DAAM1: variants seen among roughly 807,000 people sequenced by gnomAD.
DAAM1 encodes the protein disheveled-associated activator of morphogenesis 1.
DAAM1 carries 52 observed loss-of-function variants against 130.0 expected under a neutral mutation model. That is an observed-to-expected ratio of 0.40 (90% CI 0.32 to 0.50). The LOEUF (loss-of-function observed/expected upper bound fraction) is 0.50. DAAM1 is among the 20% of genes least tolerant of loss of function. The probability of loss-of-function intolerance (pLI) is 0.61; values close to 1 mark genes in which losing one functional copy is unlikely to be tolerated. For missense variants in DAAM1, 1,134 were observed against 1,303.8 expected, an observed-to-expected ratio of 0.87 and a Z score of 2.01; for synonymous variants, 452 against 444.5, an observed-to-expected ratio of 1.02 and a Z score of -0.21.
intron 4 of DAAM1, among the ~76,000 whole-genome samples, chr14:59,319,062 C>T (rs1884902404): frequency 6.6e-6 from 1 of 152,160 alleles, no homozygotes; most frequent in Admixed American, 6.6e-5. Flanking sequence ...ACGAGTTCAG[C>T]TATGTCATTG....
rs765736106 is a variant in DAAM1 at position 59,331,214 on chromosome 14, C to T, written c.1566C>T (p.Ala522=). 8.7e-6 allele frequency: 14 copies of T among 1,612,526 alleles called. No individual in the cohort carries two copies. The highest frequency in any genetic ancestry group is 8.3e-5 in the Admixed American group (5 of 59,980). ...TCCTATTTTTATCTTTTCAGAGGGC[C>T]GTCTGTGCTTCAATCCCAGGTGGAC... ...TAQLHELSRR[A]VCASIPGGPS... is the part of the protein sequence containing the mutation. The change falls in exon 14 of 25, where the codon GCC becomes GCT. Residue 522 remains alanine, a synonymous_variant. Transcript: ENST00000360909.
intron 6 of DAAM1, 95 bp from the exon 7 acceptor site, chr14:59,324,031 GAA>G (rs780472385): frequency 5.7e-4 from 371 of 646,368 alleles, no homozygotes; most frequent in South Asian, 1.0e-3. Context: ...GACTCCGTCT[GAA>G]AAAAAAAAAA....
Position 59,263,639 on chromosome 14 carries a change from T to A in DAAM1, c.162T>A (p.Asp54Glu), listed in dbSNP as rs1882288025. The change falls in exon 2 of 25, where the codon GAT becomes GAA. Residue 54 changes from aspartate to glutamate, a missense_variant. Asp to Glu is a conservative substitution (Grantham distance 45, BLOSUM62 2). Around this residue, in one of 3 missense-constraint regions of DAAM1, gnomAD observed 99 missense variants for 86.4 expected, o/e 1.15. Coordinates refer to ENST00000360909, the MANE Select transcript of DAAM1 (RefSeq NM_001270520.2). Reference protein sequence around the residue: ...ALPMPPVEELDVMFSELVDEL... With the variant: ...ALPMPPVEELEVMFSELVDEL... Reference sequence around the variant, plus strand: ...CCATGCCCCCTGTGGAGGAGCTGGATGTCATGTTCAGTGAACTGGTGGTGA... The same window carrying A: ...CCATGCCCCCTGTGGAGGAGCTGGAAGTCATGTTCAGTGAACTGGTGGTGA... 5 of 1,614,192 alleles carry A rather than the reference T, an allele frequency of 3.1e-6. No homozygotes were observed. The highest frequency in any genetic ancestry group is 4.2e-6 in the Non-Finnish European group (5 of 1,180,020).
chr14:59,231,614 C>T (rs1215644522), intron 1 of DAAM1, among the ~76,000 whole-genome samples: 6 of 152,188 alleles, frequency 3.9e-5, no homozygotes, highest in East Asian at 1.9e-4. Context: ...CATTCATTAT[C>T]TGTGCAACCT....
At chr14:59,203,831 C>T (rs1303295777) in intron 1 of DAAM1, among the ~76,000 whole-genome samples, 1 of 152,196 alleles carries the variant, frequency 6.6e-6, no homozygotes, top group African/African-American at 2.4e-5. Flanking sequence ...CAGCATGTTT[C>T]TGCTGTAGAA....
intron 5 of DAAM1, among the ~76,000 whole-genome samples, chr14:59,321,566 C>G (rs1169317907): frequency 6.6e-6 from 1 of 152,188 alleles, no homozygotes. Flanking sequence ...TCCTTTAATG[C>G]CTCTAGGATT....
chr14:59,247,429 G>T (rs1046119700), intron 1 of DAAM1, among the ~76,000 whole-genome samples: 1 of 152,112 alleles, frequency 6.6e-6, no homozygotes, highest in African/African-American at 2.4e-5. Context: ...CAAAGATGCC[G>T]TTGGGATTTT....
intron 15 of DAAM1, among the ~76,000 whole-genome samples, chr14:59,337,597 C>T (rs1476354618): frequency 1.3e-5 from 2 of 152,222 alleles, no homozygotes; most frequent in Non-Finnish European, 2.9e-5. Flanking sequence ...GTAACTTTCT[C>T]ACAGCATGTC....
Position 59,352,538 on chromosome 14 carries a change from G to A in DAAM1, c.2173G>A (p.Val725Ile), listed in dbSNP as rs1886327553. 4 of 1,612,832 alleles carry A rather than the reference G, an allele frequency of 2.5e-6. No homozygotes were observed. The highest frequency in any genetic ancestry group is 2.2e-5 in the East Asian group (1 of 44,810). ...GTGTACTTTTCAGCTCTTGAAATTT[G>A]TTCCTGAAAAAAGTGACATTGACCT... is the stretch of plus-strand genomic sequence containing the variant. The part of the protein sequence containing the change: ...KDMLEQLLKF[V>I]PEKSDIDLLE... Residue 725 changes from valine to isoleucine, a missense_variant, in exon 18 of 25, where the codon GTT becomes ATT. By Grantham distance (29) the Val-to-Ile change is conservative. Around this residue, in one of 3 missense-constraint regions of DAAM1, gnomAD observed 644 missense variants for 695.9 expected, o/e 0.93. Transcript: ENST00000360909.
chr14:59,312,376 G>A (rs905740020), intron 3 of DAAM1, among the ~76,000 whole-genome samples: 1 of 152,172 alleles, frequency 6.6e-6, no homozygotes, highest in African/African-American at 2.4e-5. Context: ...GCTATGAGGA[G>A]GCAGGCACCT....
rs750411258 is a variant in DAAM1 at position 59,263,459 on chromosome 14, A to T, written c.-19A>T. The T allele has an allele frequency of 6.2e-7, 1 of 1,614,094 alleles. No individual in the cohort carries two copies. Among genetic ancestry groups the T allele is most frequent in the Non-Finnish European group, 8.5e-7 (1 of 1,179,928 alleles). Reference sequence around the variant, plus strand: ...TTTGCAGCGTTTAGTCACATCAAGAAATAGAACAGAATTCAGCCATGGCCC... The same window carrying T: ...TTTGCAGCGTTTAGTCACATCAAGATATAGAACAGAATTCAGCCATGGCCC... On this transcript the variant is annotated 5_prime_UTR_variant, in exon 2 of 25. Coordinates refer to ENST00000360909, the MANE Select transcript of DAAM1 (RefSeq NM_001270520.2).
At chr14:59,245,675 A>G (rs1881337579) in intron 1 of DAAM1, among the ~76,000 whole-genome samples, 1 of 152,192 alleles carries the variant, frequency 6.6e-6, no homozygotes. Context: ...TCACTAAGCA[A>G]TGAATTGGGG....
intron 15 of DAAM1, among the ~76,000 whole-genome samples, chr14:59,334,508 G>C (rs1885551975): frequency 1.3e-5 from 2 of 152,140 alleles, no homozygotes; most frequent in Non-Finnish European, 2.9e-5. Context: ...TGTTTGGCTA[G>C]ATACAATTCT....
chr14:59,217,876 A>G (rs955267520), intron 1 of DAAM1, among the ~76,000 whole-genome samples: 1 of 152,052 alleles, frequency 6.6e-6, no homozygotes, highest in Non-Finnish European at 1.5e-5. Context: ...AGTCCCAGCT[A>G]CTTGGGAGAC....
chr14:59,363,873 G>T, intron 23 of DAAM1, 91 bp downstream of exon 23: 1 of 1,546,076 alleles, frequency 6.5e-7, no homozygotes, highest in Non-Finnish European at 8.7e-7. Flanking sequence ...GGAAATAGCA[G>T]GAGTGAGATC....
intron 5 of DAAM1, among the ~76,000 whole-genome samples, chr14:59,321,431 A>G (rs1303509960): frequency 6.6e-6 from 1 of 152,226 alleles, no homozygotes; most frequent in Non-Finnish European, 1.5e-5. Context: ...GGTGAATTTT[A>G]TGGCATGTGA....
At chr14:59,239,451 G>T (rs1889408853) in intron 1 of DAAM1, among the ~76,000 whole-genome samples, 1 of 152,100 alleles carries the variant, frequency 6.6e-6, no homozygotes, top group Non-Finnish European at 1.5e-5. Flanking sequence ...GTCAAGAGCA[G>T]AACACTCAGT....
chr14:59,221,638 T>C (rs2139428227), intron 1 of DAAM1, among the ~76,000 whole-genome samples: 1 of 152,334 alleles, frequency 6.6e-6, no homozygotes, highest in Non-Finnish European at 1.5e-5. Flanking sequence ...TCTCTTGTAT[T>C]CCAGACATAC....
chr14:59,346,004 A>G (rs1423818692), intron 16 of DAAM1, among the ~76,000 whole-genome samples: 1 of 152,168 alleles, frequency 6.6e-6, no homozygotes, highest in Non-Finnish European at 1.5e-5. Context: ...TTTCTAGTAT[A>G]AAAAAGTCTG....
Sources: gnomAD v4.1 joint callset for allele counts (sites outside exome capture counted in the v4.1 genomes callset) on GRCh38, gnomAD v4.1.1 for gene constraint, gnomAD v4.1.1 regional missense constraint, MANE v1.5 for transcripts, NCBI Gene and HGNC (gene_info 2026-07-23, HGNC 2026-07-21) for gene names.